Variants in CSMD3 observed in about 807,000 individuals in gnomAD.
CSMD3 encodes CUB and Sushi multiple domains 3.
In CSMD3, 177 loss-of-function variants were observed where a neutral mutation model predicts 435.2. The observed-to-expected ratio is 0.41, with a 90% confidence interval of 0.36 to 0.46. The LOEUF (loss-of-function observed/expected upper bound fraction) is 0.46, where lower values mean the gene tolerates loss of function less well. Ranked by LOEUF, CSMD3 falls within the 20% of genes least tolerant of loss-of-function variation. CSMD3 has a pLI of 0.34. For synonymous variants in CSMD3, 1,656 were observed against 1,520.5 expected, an observed-to-expected ratio of 1.09 and a Z score of -2.07; for missense variants, 4,265 against 4,504.6, an observed-to-expected ratio of 0.95 and a Z score of 1.52.
At chr8:112,290,075 C>T (rs1273788197) in intron 56 of CSMD3, among the ~76,000 whole-genome samples, 1 of 151,990 alleles carries the variant, frequency 6.6e-6, no homozygotes, top group Non-Finnish European at 1.5e-5. Context: ...CATTTCAAGT[C>T]AGTAATGAAT....
chr8:113,080,244 G>A (rs1034776138), intron 5 of CSMD3, among the ~76,000 whole-genome samples: 1 of 152,070 alleles, frequency 6.6e-6, no homozygotes, highest in South Asian at 2.1e-4. Context: ...CCCATGACAG[G>A]TAAGTAATTA....
At chr8:113,318,878 CTGAATAAGATTCCATTT>C (rs1563693592) in intron 1 of CSMD3, among the ~76,000 whole-genome samples, 1 of 150,688 alleles carries the variant, frequency 6.6e-6, no homozygotes, top group African/African-American at 2.4e-5. Flanking sequence ...CTTTTTAAGG[CTGAATAAGATTCCATTT>C]TGTGTGTGAG....
At chr8:113,231,803 TA>T (rs2093090993) in intron 3 of CSMD3, among the ~76,000 whole-genome samples, 1 of 151,546 alleles carries the variant, frequency 6.6e-6, no homozygotes, top group Non-Finnish European at 1.5e-5. Context: ...ACAGGAGTGA[TA>T]TTAGAACAAC....
intron 27 of CSMD3, among the ~76,000 whole-genome samples, chr8:112,545,354 G>A (rs185669838): frequency 4.0e-5 from 6 of 151,360 alleles, no homozygotes; most frequent in South Asian, 4.2e-4. Context: ...CTGGTGGCAC[G>A]CGCCTGTAAT....
intron 22 of CSMD3, among the ~76,000 whole-genome samples, chr8:112,630,142 G>A (rs774795713): frequency 2.1e-4 from 32 of 152,166 alleles, no homozygotes; most frequent in Non-Finnish European, 2.6e-4. Flanking sequence ...ACCCTGAGAA[G>A]AGGGTCTAAA....
chr8:113,124,822 C>T (rs191780939), intron 4 of CSMD3, among the ~76,000 whole-genome samples: 28 of 152,128 alleles, frequency 1.8e-4, no homozygotes, highest in African/African-American at 6.5e-4. Context: ...TATACTCCTG[C>T]ATTATTGCTC....
At chr8:112,608,970 A>G (rs973788130) in intron 22 of CSMD3, among the ~76,000 whole-genome samples, 5 of 151,918 alleles carry the variant, frequency 3.3e-5, no homozygotes, top group African/African-American at 4.8e-5. Flanking sequence ...AAAAATGCAA[A>G]CAATAAAAGC....
In CSMD3 at chr8:112,885,366, AT is replaced by A. The variant is rs1478389026; in HGVS notation, c.1634-26101del. ...AAATATATGTACACAAATAGCCAGT[AT>A]ATATATATATATACATATATATATT... On this transcript the variant is annotated intron_variant, in intron 10 of 70. Transcript: ENST00000297405. Among the ~76,000 whole-genome samples, 6 of 8,094 alleles carry A rather than the reference AT, an allele frequency of 7.4e-4. No homozygotes were observed. The Admixed American group carries it at 0.013, about 18-fold the overall frequency. 5.3% of individuals were successfully genotyped at this position (8,094 alleles called of 152,430 possible). A position where few individuals can be genotyped will look rare whatever the true frequency, so the allele number is the denominator to read the frequency against.
intron 36 of CSMD3, among the ~76,000 whole-genome samples, chr8:112,385,339 G>C (rs190460163): frequency 1.3e-5 from 2 of 152,054 alleles, no homozygotes; most frequent in African/African-American, 4.8e-5. Flanking sequence ...ATTCATATAA[G>C]GCACCCTGCA....
At chr8:112,309,283 C>G (rs1821732041) in intron 50 of CSMD3, among the ~76,000 whole-genome samples, 2 of 151,750 alleles carry the variant, frequency 1.3e-5, no homozygotes, top group Admixed American at 6.6e-5. Flanking sequence ...ATTATTCTCA[C>G]AAAATGTTTC....
chr8:113,362,707 T>C (rs1271594739), intron 1 of CSMD3, among the ~76,000 whole-genome samples: 2 of 152,176 alleles, frequency 1.3e-5, no homozygotes, highest in Admixed American at 6.5e-5. Flanking sequence ...GTTTCAGTGG[T>C]AAAAGATAAC....
chr8:113,269,942 C>A (rs1045504454), intron 3 of CSMD3, among the ~76,000 whole-genome samples: 1 of 151,626 alleles, frequency 6.6e-6, no homozygotes, highest in Non-Finnish European at 1.5e-5. Context: ...GCAATGGCAA[C>A]AAAAGACAAA....
rs558454563 is a variant in CSMD3, at chr8:113,130,143, TAAAA to T, written c.710-31184_710-31181del. On this transcript the variant is annotated intron_variant, in intron 4 of 70. Transcript: ENST00000297405. ...TTAGTACGCATTATAAATGTATTCT[TAAAA>T]AAGAAGTGAATTTAGGTAAATTTGC... Among the ~76,000 whole-genome samples, 898 of 152,074 alleles carry T rather than the reference TAAAA, an allele frequency of 5.9e-3. 4 individuals are homozygous for T. The highest frequency in any genetic ancestry group is 0.019 in the African/African-American group (798 of 41,464).
At chr8:112,297,265 AAT>A (rs1318796351) in intron 53 of CSMD3, among the ~76,000 whole-genome samples, 19 of 150,602 alleles carry the variant, frequency 1.3e-4, no homozygotes, top group Non-Finnish European at 2.1e-4. Flanking sequence ...AAAAAAAAAA[AAT>A]TAAAAAGTAC....
intron 3 of CSMD3, among the ~76,000 whole-genome samples, chr8:113,210,593 G>A (rs919253162): frequency 3.3e-5 from 5 of 151,892 alleles, no homozygotes; most frequent in Middle Eastern, 3.4e-3. Flanking sequence ...ATCTTAGAAA[G>A]GCTGTGGGGC....
intron 10 of CSMD3, among the ~76,000 whole-genome samples, chr8:112,902,130 TG>T (rs903407093): frequency 4.0e-4 from 60 of 151,444 alleles, no homozygotes; most frequent in African/African-American, 1.4e-3. Flanking sequence ...CTGTGACTAA[TG>T]GTTTTACCCA....
intron 3 of CSMD3, among the ~76,000 whole-genome samples, chr8:113,206,664 ATAGAAGTTC>A (rs1413388754): frequency 6.6e-6 from 1 of 152,158 alleles, no homozygotes; most frequent in Non-Finnish European, 1.5e-5. Context: ...ATGCACATGT[ATAGAAGTTC>A]TTATCATTTT....
chr8:112,498,934 A>G (rs1821652838), intron 30 of CSMD3, among the ~76,000 whole-genome samples: 1 of 152,152 alleles, frequency 6.6e-6, no homozygotes, highest in African/African-American at 2.4e-5. Context: ...ACGATGCTCA[A>G]AAGCAATCAA....
At position 112,223,081 on chromosome 8, in the gene CSMD3, T is replaced by G. The variant is rs543073995; in HGVS notation, c.*1690A>C. On this transcript the variant is annotated 3_prime_UTR_variant, in exon 71 of 71. Transcript: ENST00000297405. ...GTAGCCAGTTGCAGAAGAAACATTG[T>G]TTAAACAAGATCTTAAATGTATTAG... 1 of 398,558 alleles carries G rather than the reference T, an allele frequency of 2.5e-6. No homozygotes were observed. The highest frequency in any genetic ancestry group is 3.6e-5 in the East Asian group (1 of 27,970). The allele number at this position is 398,558 out of a possible 1,614,324, so 24.7% of individuals were successfully genotyped here. A position where few individuals can be genotyped will look rare whatever the true frequency, so the allele number is the denominator to read the frequency against.
Sources: allele counts gnomAD v4.1 joint callset (sites outside exome capture counted in the v4.1 genomes callset), GRCh38; gene constraint gnomAD v4.1.1; transcripts MANE v1.5; gene names NCBI Gene and HGNC (gene_info 2026-07-23, HGNC 2026-07-21).